The following KCNK5 variants were observed in gnomAD, a reference collection of about 807,000 sequenced individuals.
KCNK5 encodes the protein potassium channel subfamily K member 5.
In KCNK5, 18 loss-of-function variants were observed where a neutral mutation model predicts 32.9. That is an observed-to-expected ratio of 0.55 (90% CI 0.38 to 0.81). KCNK5 has a LOEUF of 0.81. KCNK5 is among the 30% of genes least tolerant of loss of function. The pLI is 0.00. For missense variants in KCNK5, 507 were observed against 651.0 expected, an observed-to-expected ratio of 0.78 and a Z score of 2.41; for synonymous variants, 276 against 275.3, an observed-to-expected ratio of 1.00 and a Z score of -0.03.
chr6:39,207,145 C>T (rs1771241301), intron 1 of KCNK5, among the ~76,000 whole-genome samples: 2 of 152,214 alleles, frequency 1.3e-5, no homozygotes, highest in Non-Finnish European at 2.9e-5. Flanking sequence ...CTCACTCTTA[C>T]TTCAATCAGG....
At chr6:39,227,250 A>G (rs1771690527) in intron 1 of KCNK5, among the ~76,000 whole-genome samples, 1 of 152,156 alleles carries the variant, frequency 6.6e-6, no homozygotes, top group Non-Finnish European at 1.5e-5. Context: ...CTTCGAGGGC[A>G]GCTCAAGGCT....
chr6:39,206,094 TAGAAAGATGGTGAAGCCAAAC>T (rs1287613559), intron 1 of KCNK5, among the ~76,000 whole-genome samples: 7 of 152,206 alleles, frequency 4.6e-5, no homozygotes, highest in Middle Eastern at 3.4e-3. Context: ...ATAGAGAGGC[TAGAAAGATGGTGAAGCCAAAC>T]AGAAAGATGG....
chr6:39,198,445 C>T (rs1166848507), intron 1 of KCNK5, among the ~76,000 whole-genome samples: 1 of 152,208 alleles, frequency 6.6e-6, no homozygotes, highest in Non-Finnish European at 1.5e-5. Context: ...ATAGCTAACA[C>T]ATAGCAATGG....
chr6:39,206,712 C>T (rs1372231486), intron 1 of KCNK5, among the ~76,000 whole-genome samples: 1 of 152,112 alleles, frequency 6.6e-6, no homozygotes, highest in Non-Finnish European at 1.5e-5. Flanking sequence ...GGAAAGGCCA[C>T]ATCTGGGTTC....
In KCNK5 at chr6:39,223,737, A is replaced by C. The variant is rs1013721843; in HGVS notation, c.186+5189T>G. Among the ~76,000 whole-genome samples, 4 of 152,296 alleles carry C rather than the reference A, an allele frequency of 2.6e-5. 1 individual carries two copies. Among genetic ancestry groups the C allele is most frequent in the Middle Eastern group, 3.4e-3 (1 of 294 alleles). ...ACACACAGTTCAGAGGCTGAGCCCA[A>C]TCTGCCAGCAAACAGCCAAGTTCAA... On this transcript the variant is annotated intron_variant, in intron 1 of 4. Coordinates refer to ENST00000359534, the MANE Select transcript of KCNK5 (RefSeq NM_003740.4).
intron 1 of KCNK5, among the ~76,000 whole-genome samples, chr6:39,216,532 C>T (rs1187197428): frequency 3.3e-5 from 5 of 152,234 alleles, no homozygotes; most frequent in East Asian, 3.9e-4. Context: ...ATTTAGGATA[C>T]GGCAGCCTCT....
intron 4 of KCNK5, among the ~76,000 whole-genome samples, chr6:39,192,480 A>G (rs1041754999): frequency 2.0e-5 from 3 of 152,124 alleles, no homozygotes; most frequent in Admixed American, 6.5e-5. Flanking sequence ...GAATGGATGG[A>G]TATTACACAA....
rs150327125 is a variant in KCNK5, at chr6:39,191,088, G to A, written c.1302C>T (p.Thr434=). The change falls in exon 5 of 5, where the codon ACC becomes ACT. Residue 434 remains threonine (T), a synonymous_variant. Coordinates refer to ENST00000359534, the MANE Select transcript of KCNK5 (RefSeq NM_003740.4). This position sits in a 1 kb window ranked among gnomAD's most constrained non-coding sequence, Gnocchi z 5.8. The part of the protein sequence containing the change: ...NTEAGLSDEE[T]SKSSLEDNLA... ...AGTTGTCCTCTAGCGAGGACTTGGAGGTCTCCTCGTCTGAGAGGCCAGCCT... is the reference window on the plus strand; with the variant it reads ...AGTTGTCCTCTAGCGAGGACTTGGAAGTCTCCTCGTCTGAGAGGCCAGCCT... 77 of 1,614,100 alleles carry A rather than the reference G, an allele frequency of 4.8e-5. No homozygotes were observed. In the African/African-American group the frequency reaches 9.3e-4, roughly 20 times the overall value.
chr6:39,206,392 C>T (rs72851825), intron 1 of KCNK5, among the ~76,000 whole-genome samples: 13,254 of 152,258 alleles, frequency 0.087, 792 homozygotes, highest in African/African-American at 0.16. Context: ...TCAGATTTAC[C>T]TTGACCTTGG....
At chr6:39,222,910 G>A (rs184363115) in intron 1 of KCNK5, among the ~76,000 whole-genome samples, 2 of 152,174 alleles carry the variant, frequency 1.3e-5, no homozygotes, top group Non-Finnish European at 2.9e-5. Context: ...TGTTGAAGGG[G>A]GTATAATTTC....
chr6:39,190,852 A>G lies in KCNK5; in HGVS notation c.*38T>C. On this transcript the variant is annotated 3_prime_UTR_variant, in exon 5 of 5. Transcript: ENST00000359534. ...CGGGACACCCTAGGGTGAGGGGGGA[A>G]GAGGCCATCAAAGGTGGGGTGGGGA... 1.4e-6 allele frequency: 2 copies of G among 1,447,284 alleles called. No homozygotes were observed. The highest frequency in any genetic ancestry group is 1.5e-5 in the South Asian group (1 of 65,704). 89.7% of individuals were successfully genotyped at this position (1,447,284 alleles called of 1,614,324 possible).
chr6:39,220,948 T>G (rs1234130297), intron 1 of KCNK5, among the ~76,000 whole-genome samples: 1 of 152,200 alleles, frequency 6.6e-6, no homozygotes, highest in Non-Finnish European at 1.5e-5. Flanking sequence ...TATCCTGAAC[T>G]CTTAGCCCCA....
In KCNK5 at chr6:39,215,401, C is replaced by T. The variant is rs1771413757; in HGVS notation, c.186+13525G>A. On this transcript the variant is annotated intron_variant, in intron 1 of 4. Transcript: ENST00000359534. ...ACACTGTCAGGATGCATTCCACTGC[C>T]CGGGAGGTGAGAATTTTATTTGAAC... Among the ~76,000 whole-genome samples, 3 of 152,204 alleles carry T rather than the reference C, an allele frequency of 2.0e-5. 1 individual carries two copies. In the South Asian group the frequency reaches 6.2e-4, roughly 32 times the overall value.
intron 1 of KCNK5, among the ~76,000 whole-genome samples, chr6:39,208,670 G>T (rs763629219): frequency 1.3e-5 from 2 of 152,224 alleles, no homozygotes; most frequent in African/African-American, 4.8e-5. Context: ...TTCTGTGCAG[G>T]GGGGGAGGGG....
intron 1 of KCNK5, among the ~76,000 whole-genome samples, chr6:39,219,008 T>A (rs1771493399): frequency 6.6e-6 from 1 of 152,068 alleles, no homozygotes; most frequent in African/African-American, 2.4e-5. Flanking sequence ...GGACACACAG[T>A]ATGTGCTTAG....
intron 1 of KCNK5, among the ~76,000 whole-genome samples, chr6:39,215,821 G>T (rs909617876): frequency 3.9e-5 from 6 of 152,154 alleles, no homozygotes; most frequent in Non-Finnish European, 1.5e-5. Context: ...TTAGTCTCAG[G>T]GTCCCCTGAC....
At chr6:39,216,329 C>T (rs1771436571) in intron 1 of KCNK5, among the ~76,000 whole-genome samples, 1 of 152,040 alleles carries the variant, frequency 6.6e-6, no homozygotes, top group Non-Finnish European at 1.5e-5. Flanking sequence ...TATATATGGT[C>T]AATGTGGTCA....
chr6:39,214,853 C>T (rs1340308075), intron 1 of KCNK5, among the ~76,000 whole-genome samples: 1 of 152,184 alleles, frequency 6.6e-6, no homozygotes, highest in Non-Finnish European at 1.5e-5. Context: ...ACAATATGCC[C>T]CAACCCCACT....
At chr6:39,214,225 C>T (rs571425124) in intron 1 of KCNK5, among the ~76,000 whole-genome samples, 78 of 152,272 alleles carry the variant, frequency 5.1e-4, no homozygotes, top group Non-Finnish European at 1.0e-3. Context: ...GTACCTGCCT[C>T]GGCTGTGGGA....
Sources: gnomAD v4.1 joint callset for allele counts (sites outside exome capture counted in the v4.1 genomes callset) on GRCh38, gnomAD v4.1.1 for gene constraint, Gnocchi (gnomAD v3.1) non-coding constraint, MANE v1.5 for transcripts, NCBI Gene and HGNC (gene_info 2026-07-23, HGNC 2026-07-21) for gene names.